Variants in IGSF9B observed in about 807,000 individuals in gnomAD.
The protein encoded by IGSF9B is immunoglobulin superfamily member 9B.
A neutral mutation model predicts 143.7 loss-of-function variants in IGSF9B; 48 were observed. The ratio of observed to expected loss-of-function variants is 0.33; its 90% CI spans 0.26 to 0.42. The LOEUF is 0.42. Ranked by LOEUF, IGSF9B falls within the 20% of genes least tolerant of loss-of-function variation. The pLI, the probability that IGSF9B is intolerant of heterozygous loss-of-function variation, is 1.00. For missense variants in IGSF9B, 1,706 were observed against 1,980.0 expected, an observed-to-expected ratio of 0.86 and a Z score of 2.63; for synonymous variants, 903 against 833.1, an observed-to-expected ratio of 1.08 and a Z score of -1.44.
chr11:133,919,714 C>A, intron 18 of IGSF9B, 28 bp downstream of exon 18: 1 of 1,329,078 alleles, frequency 7.5e-7, no homozygotes, highest in South Asian at 2.1e-5. Context: ...TGCCCAGGTG[C>A]GGGTGGCGGA....
rs765619970 is a variant in IGSF9B, at chr11:133,921,006, C to T, written c.2719G>A (p.Ala907Thr). The change falls in exon 18 of 20, where the codon GCC (alanine) becomes ACC (threonine). Residue 907 changes from alanine to threonine, a missense_variant. Transcript: ENST00000533871. ...EDPLVPTSVAALKSQLTPLSS... is the reference protein window; with the variant it reads ...EDPLVPTSVATLKSQLTPLSS... ...AGAGGGGTGAGCTGGGACTTCAGGG[C>T]GGCCACAGATGTGGGCACCAGTGGG... 46 of 1,611,590 alleles carry T rather than the reference C, an allele frequency of 2.9e-5. No individual in the cohort carries two copies. The highest frequency in any genetic ancestry group is 1.4e-4 in the South Asian group (13 of 90,984).
rs1166948986 is a variant in IGSF9B at position 133,935,634 on chromosome 11, G to A, written c.950C>T (p.Ala317Val). 1.9e-6 allele frequency: 3 copies of A among 1,610,554 alleles called. No homozygotes were observed. The highest frequency in any genetic ancestry group is 2.5e-6 in the Non-Finnish European group (3 of 1,178,754). The change falls in exon 7 of 20, where the codon GCG (alanine) becomes GTG (valine). Residue 317 changes from alanine to valine, a missense_variant. Coordinates refer to ENST00000533871, the MANE Select transcript of IGSF9B (RefSeq NM_001277285.4). ...CTACTCACACTGCACGGTCAGGTAC[G>A]CCGAGGCGGAGGGGGAGCGCCCCAG... ...NSLGRSPSAS[A>V]YLTVQYPARV...
chr11:133,921,204 C>G lies in IGSF9B; in HGVS notation c.2521G>C (p.Ala841Pro), dbSNP rs1243344964. Reference protein sequence around the residue: ...KYSVAKAEAEAEATTPIELIS... With the variant: ...KYSVAKAEAEPEATTPIELIS... ...AGCTCGATGGGCGTGGTGGCCTCTG[C>G]CTCGGCCTCTGCCTTGGCCACGCTG... The change falls in exon 18 of 20, where the codon GCA (alanine) becomes CCA (proline). Residue 841 changes from alanine (A) to proline (P), a missense_variant. By Grantham distance (27) the Ala-to-Pro change is conservative. Transcript: ENST00000533871. 5 of 1,609,190 alleles carry G rather than the reference C, an allele frequency of 3.1e-6. No homozygotes were observed. The highest frequency in any genetic ancestry group is 4.2e-6 in the Non-Finnish European group (5 of 1,177,578).
intron 18 of IGSF9B, among the ~76,000 whole-genome samples, chr11:133,916,719 G>A (rs1302225062): frequency 1.3e-5 from 2 of 152,212 alleles, no homozygotes; most frequent in East Asian, 3.9e-4. Flanking sequence ...GTTGAGTGAA[G>A]GGGTGAGGAA....
chr11:133,952,660 A>G (rs4936213), intron 1 of IGSF9B, among the ~76,000 whole-genome samples: 39,889 of 152,194 alleles, frequency 0.26, 6,542 homozygotes, highest in East Asian at 0.61. Context: ...ACACACATAC[A>G]GGTGTGCACA....
In IGSF9B at chr11:133,922,200, G is replaced by A. The variant is rs770067845; in HGVS notation, c.2304C>T (p.His768=). 3 of 1,613,100 alleles carry A rather than the reference G, an allele frequency of 1.9e-6. No individual in the cohort carries two copies. The highest frequency in any genetic ancestry group is 4.5e-5 in the East Asian group (2 of 44,866). ...ACGGAGACTCCAGGCTCTTCCTGCA[G>A]TGGGTGATGGAGAGTGGAGGGTCTG... ...RKKDPPLSIT[H]CRKSLESPLS... Residue 768 remains histidine (H), a synonymous_variant, in exon 17 of 20, where the codon CAC becomes CAT. Transcript: ENST00000533871.
intron 3 of IGSF9B, among the ~76,000 whole-genome samples, chr11:133,939,054 C>A (rs567448651): frequency 4.5e-4 from 68 of 152,356 alleles, no homozygotes; most frequent in African/African-American, 1.6e-3. Flanking sequence ...GCCCTGAGAA[C>A]TAGTCAGAGC....
chr11:133,921,628 C>G (rs1939540515), intron 17 of IGSF9B, among the ~76,000 whole-genome samples: 1 of 152,014 alleles, frequency 6.6e-6, no homozygotes, highest in South Asian at 2.1e-4. Flanking sequence ...GTCTTGAACT[C>G]CTGGCCTCAA....
Position 133,913,875 on chromosome 11 carries a change from C to T in IGSF9B, c.3984-1868G>A, listed in dbSNP as rs952288139. Among the ~76,000 whole-genome samples the T allele has an allele frequency of 2.0e-5, 3 of 152,206 alleles. No individual in the cohort carries two copies. Among genetic ancestry groups the T allele is most frequent in the South Asian group, 2.1e-4 (1 of 4,832 alleles). ...GTTAATGTGAATCCACCTGTTCAGT[C>T]GATCTCTGTCTCCTGGCCGGCCTCT... On this transcript the variant is annotated intron_variant, in intron 18 of 19. Coordinates refer to ENST00000533871, the MANE Select transcript of IGSF9B (RefSeq NM_001277285.4). This position sits in a 1 kb window ranked among gnomAD's most constrained non-coding sequence, Gnocchi z 4.6.
At chr11:133,937,201 C>T (rs1471010848) in intron 5 of IGSF9B, among the ~76,000 whole-genome samples, 175 bp downstream of exon 5, 16 of 152,194 alleles carry the variant, frequency 1.1e-4, no homozygotes, top group East Asian at 1.9e-4. Flanking sequence ...GCAGCCGGTG[C>T]AGGAGCTCTG....
At chr11:133,955,951 G>A (rs1021121572) in intron 1 of IGSF9B, among the ~76,000 whole-genome samples, 2 of 152,032 alleles carry the variant, frequency 1.3e-5, no homozygotes, top group Non-Finnish European at 2.9e-5. Context: ...CCTGGGGAGG[G>A]CGGCGTGGGG....
chr11:133,906,527 C>T lies in IGSF9B; in HGVS notation c.*2542G>A, dbSNP rs1000968834. ...AGCACGGCTCCCCGCGTTGGGTCTA[C>T]GTGCTGAGGTCATGGGCACTGCCAG... is the stretch of plus-strand genomic sequence containing the variant. On this transcript the variant is annotated 3_prime_UTR_variant, in exon 20 of 20. Transcript: ENST00000533871. Among the ~76,000 whole-genome samples the T allele has an allele frequency of 3.9e-5, 6 of 152,216 alleles. No individual in the cohort carries two copies. The highest frequency in any genetic ancestry group is 7.2e-5 in the African/African-American group (3 of 41,466).
At chr11:133,943,530 A>G (rs11223634) in intron 3 of IGSF9B, among the ~76,000 whole-genome samples, 25,377 of 152,114 alleles carry the variant, frequency 0.17, 2,652 homozygotes, top group East Asian at 0.48. Flanking sequence ...GAGCTCAGCA[A>G]GCTCTTGGGG....
intron 1 of IGSF9B, chr11:133,952,256 A>G: frequency 2.9e-6 from 1 of 343,364 alleles, no homozygotes; most frequent in Non-Finnish European, 5.9e-6. Flanking sequence ...GGGAATGGGC[A>G]TAAGCTGCCT....
At chr11:133,934,428 T>C (rs1939786256) in intron 7 of IGSF9B, among the ~76,000 whole-genome samples, 3 of 152,234 alleles carry the variant, frequency 2.0e-5, no homozygotes, top group Admixed American at 1.3e-4. Context: ...TCCTAAGTCA[T>C]GTATGAATAA....
chr11:133,922,310 C>T, intron 16 of IGSF9B, 88 bp from the exon 17 acceptor site: 2 of 1,251,070 alleles, frequency 1.6e-6, no homozygotes, highest in Non-Finnish European at 2.3e-6. Context: ...AGAGCCGGAG[C>T]ACCACCGCAC....
Position 133,948,314 on chromosome 11 carries a change from C to T in IGSF9B, c.65-2056G>A, listed in dbSNP as rs925397569. Among the ~76,000 whole-genome samples, 1 of 152,126 alleles carries T rather than the reference C, an allele frequency of 6.6e-6. No homozygotes were observed. The highest frequency in any genetic ancestry group is 1.5e-5 in the Non-Finnish European group (1 of 68,026). ...AGCTGATTGGCTCCCGGTGACATCA[C>T]AGTTTTCTAGAGAAAGAGCTAAGAT... On this transcript the variant is annotated intron_variant, in intron 1 of 19. Coordinates refer to ENST00000533871, the MANE Select transcript of IGSF9B (RefSeq NM_001277285.4). The surrounding 1 kb of genome is among the most constrained non-coding windows in gnomAD (Gnocchi z 4.7).
At chr11:133,936,881 C>T (rs192450551) in intron 5 of IGSF9B, among the ~76,000 whole-genome samples, 339 of 152,354 alleles carry the variant, frequency 2.2e-3, no homozygotes, top group African/African-American at 7.4e-3. Flanking sequence ...CCTGGCCCCT[C>T]TCTGGGGACT....
chr11:133,929,368 C>T (rs938028908), intron 12 of IGSF9B, among the ~76,000 whole-genome samples: 3 of 152,198 alleles, frequency 2.0e-5, no homozygotes, highest in African/African-American at 7.2e-5. Flanking sequence ...TTCCAGGCTC[C>T]AGAGGAATCC....
Sources: allele counts gnomAD v4.1 joint callset (sites outside exome capture counted in the v4.1 genomes callset), GRCh38; gene constraint gnomAD v4.1.1; non-coding constraint Gnocchi (gnomAD v3.1); transcripts MANE v1.5; gene names NCBI Gene and HGNC (gene_info 2026-07-23, HGNC 2026-07-21).